Variants in WRN observed in about 807,000 individuals in gnomAD.
The protein encoded by WRN is bifunctional 3'-5' exonuclease/ATP-dependent helicase WRN.
WRN carries 149 observed loss-of-function variants against 180.7 expected under a neutral mutation model. The ratio of observed to expected loss-of-function variants is 0.82; its 90% CI spans 0.72 to 0.94. The LOEUF (loss-of-function observed/expected upper bound fraction) is 0.94, where lower values mean the gene tolerates loss of function less well. Ranked by LOEUF, WRN falls within the 40% of genes least tolerant of loss-of-function variation. The pLI is 0.00. For missense variants in WRN, 1,661 were observed against 1,700.1 expected, an observed-to-expected ratio of 0.98 and a Z score of 0.40; for synonymous variants, 548 against 568.9, an observed-to-expected ratio of 0.96 and a Z score of 0.52.
At chr8:31,060,306 C>T (rs1309789638) in intron 3 of WRN, among the ~76,000 whole-genome samples, 1 of 152,116 alleles carries the variant, frequency 6.6e-6, no homozygotes, top group African/African-American at 2.4e-5. Context: ...GTGGCTCATG[C>T]CTATAACCCC....
intron 22 of WRN, 110 bp downstream of exon 22, chr8:31,124,733 G>A: frequency 1.6e-6 from 2 of 1,265,076 alleles, no homozygotes; most frequent in South Asian, 1.3e-5. Context: ...TTTTGTTGCT[G>A]TTACATGTGT....
At position 31,157,503 on chromosome 8, in the gene WRN, G is replaced by GT; in HGVS notation, c.3957dup (p.Ile1320TyrfsTer12). ...AGAGGTTCAGAAGATTATTGCTGAT[G>GT]TTATCCGAAACCCTCCCGTCAACTC... On this transcript the variant is annotated frameshift_variant, in exon 33 of 35. Coordinates refer to ENST00000298139, the MANE Select transcript of WRN (RefSeq NM_000553.6). LOFTEE classifies it high-confidence loss of function. 1 of 1,614,108 alleles carries GT rather than the reference G, an allele frequency of 6.2e-7. No homozygotes were observed. Among genetic ancestry groups the GT allele is most frequent in the Non-Finnish European group, 8.5e-7 (1 of 1,180,022 alleles).
At chr8:31,073,065 T>A (rs1366694309) in intron 7 of WRN, among the ~76,000 whole-genome samples, 1 of 152,176 alleles carries the variant, frequency 6.6e-6, no homozygotes, top group Non-Finnish European at 1.5e-5. Context: ...TTCTTATTAA[T>A]GAAAATAAAT....
chr8:31,034,964 G>T (rs536592877), intron 1 of WRN, among the ~76,000 whole-genome samples: 4 of 152,314 alleles, frequency 2.6e-5, no homozygotes, highest in South Asian at 2.1e-4. Flanking sequence ...AGCTCAGACC[G>T]GGAGTGAGAC....
At chr8:31,112,986 A>G (rs1394721036) in intron 19 of WRN, among the ~76,000 whole-genome samples, 2 of 151,814 alleles carry the variant, frequency 1.3e-5, no homozygotes, top group Non-Finnish European at 2.9e-5. Context: ...TTGGAGAATC[A>G]CTTGAGGCCA....
chr8:31,055,490 A>G (rs1445091169), intron 1 of WRN, among the ~76,000 whole-genome samples: 1 of 152,168 alleles, frequency 6.6e-6, no homozygotes, highest in Non-Finnish European at 1.5e-5. Flanking sequence ...TATACAAAAA[A>G]GATTTGTATT....
At chr8:31,041,170 C>T (rs550460813) in intron 1 of WRN, among the ~76,000 whole-genome samples, 2 of 152,238 alleles carry the variant, frequency 1.3e-5, no homozygotes, top group Admixed American at 1.3e-4. Context: ...TTAAGATCTG[C>T]CAGGAGACAT....
chr8:31,157,634 T>G (rs754147256), intron 33 of WRN, 104 bp downstream of exon 33: 17 of 1,413,186 alleles, frequency 1.2e-5, no homozygotes, highest in Non-Finnish European at 1.6e-5. Context: ...TATGCTATTA[T>G]GAAAACCTTA....
At chr8:31,075,074 A>G (rs142869117) in intron 7 of WRN, among the ~76,000 whole-genome samples, 2 of 152,296 alleles carry the variant, frequency 1.3e-5, no homozygotes, top group African/African-American at 4.8e-5. Flanking sequence ...TGCAGGGGTC[A>G]AGGAACTGGC....
intron 11 of WRN, 144 bp from the exon 12 acceptor site, chr8:31,087,632 A>G: frequency 1.3e-6 from 1 of 756,810 alleles, no homozygotes; most frequent in East Asian, 2.6e-5. Flanking sequence ...ACCGGAGCAC[A>G]CATGTTCTTT....
intron 28 of WRN, 46 bp downstream of exon 28, chr8:31,143,669 C>CT (rs529919425): frequency 5.7e-5 from 77 of 1,359,818 alleles, no homozygotes; most frequent in South Asian, 7.4e-5. Flanking sequence ...TTTATGAGTA[C>CT]TTTTTTTTCT....
At chr8:31,086,509 T>C (rs1179388485) in intron 11 of WRN, among the ~76,000 whole-genome samples, 1 of 151,784 alleles carries the variant, frequency 6.6e-6, no homozygotes, top group African/African-American at 2.4e-5. Flanking sequence ...CCTGGGGAGG[T>C]TGAGGCTGCA....
chr8:31,104,025 C>T (rs1356151189), intron 18 of WRN, among the ~76,000 whole-genome samples: 3 of 152,122 alleles, frequency 2.0e-5, no homozygotes, highest in Admixed American at 6.5e-5. Context: ...TGAGCCACTG[C>T]GCCCGGCCTT....
At chr8:31,162,573 T>C (rs981041156) in intron 33 of WRN, among the ~76,000 whole-genome samples, 3 of 152,168 alleles carry the variant, frequency 2.0e-5, no homozygotes, top group Admixed American at 2.0e-4. Flanking sequence ...TCATTTATTA[T>C]CATTTTCAAG....
intron 19 of WRN, among the ~76,000 whole-genome samples, chr8:31,112,674 C>T (rs1430705358): frequency 2.6e-5 from 4 of 151,796 alleles, no homozygotes; most frequent in African/African-American, 7.3e-5. Context: ...ACAACTTCCA[C>T]CTCCTGGGTT....
chr8:31,155,171 A>G (rs1303761357), intron 32 of WRN, among the ~76,000 whole-genome samples: 1 of 152,268 alleles, frequency 6.6e-6, no homozygotes, highest in Admixed American at 6.5e-5. Flanking sequence ...GCATGCTTAT[A>G]TAGTCACATA....
Position 31,157,538 on chromosome 8 carries a change from G to C in WRN, c.3982+8G>C. 1 of 1,613,902 alleles carries C rather than the reference G, an allele frequency of 6.2e-7. No homozygotes were observed. The highest frequency in any genetic ancestry group is 8.5e-7 in the Non-Finnish European group (1 of 1,179,964). Reference sequence around the variant, plus strand: ...ACCCTCCCGTCAACTCAGGTGAGAGGCATGGCCTAGCTCTGCACCCTTAAT... The same window carrying C: ...ACCCTCCCGTCAACTCAGGTGAGAGCCATGGCCTAGCTCTGCACCCTTAAT... On this transcript the variant is annotated splice_region_variant and intron_variant, in intron 33 of 34. Coordinates refer to ENST00000298139, the MANE Select transcript of WRN (RefSeq NM_000553.6).
Position 31,090,509 on chromosome 8 carries a change from A to G in WRN, c.1697A>G (p.Asp566Gly), listed in dbSNP as rs758649710. 9 of 1,612,282 alleles carry G rather than the reference A, an allele frequency of 5.6e-6. No individual in the cohort carries two copies. Among genetic ancestry groups the G allele is most frequent in the Non-Finnish European group, 7.6e-6 (9 of 1,178,838 alleles). Residue 566 changes from aspartate (D) to glycine (G), a missense_variant, in exon 14 of 35, where the codon GAT becomes GGT. By Grantham distance (94) the Asp-to-Gly change is moderately conservative. Around this residue, in one of 3 missense-constraint regions of WRN, gnomAD observed 1,141 missense variants for 1,149.4 expected, o/e 0.99. Coordinates refer to ENST00000298139, the MANE Select transcript of WRN (RefSeq NM_000553.6). ...CATTCAGTATTAGAAGAAAGAAGAGATAATGTTGCTGTCATGGCAACTGGT... is the reference window on the plus strand; with the variant it reads ...CATTCAGTATTAGAAGAAAGAAGAGGTAATGTTGCTGTCATGGCAACTGGT... The part of the protein sequence containing the change: ...VIHSVLEERR[D>G]NVAVMATGYG...
intron 28 of WRN, among the ~76,000 whole-genome samples, chr8:31,146,243 T>G (rs994695044): frequency 1.3e-5 from 2 of 150,728 alleles, no homozygotes; most frequent in Non-Finnish European, 1.5e-5. Context: ...CCTTCATTCC[T>G]CCTCCAATAT....
Sources: gnomAD v4.1 joint callset for allele counts (sites outside exome capture counted in the v4.1 genomes callset) on GRCh38, gnomAD v4.1.1 for gene constraint, gnomAD v4.1.1 regional missense constraint, MANE v1.5 for transcripts, NCBI Gene and HGNC (gene_info 2026-07-23, HGNC 2026-07-21) for gene names.